SMG6: variants seen among roughly 807,000 people sequenced by gnomAD.
SMG6 encodes the protein SMG6 nonsense mediated mRNA decay factor.
A neutral mutation model predicts 142.2 loss-of-function variants in SMG6; 66 were observed. The ratio of observed to expected loss-of-function variants is 0.46; its 90% CI spans 0.38 to 0.57. The LOEUF is 0.57. Ranked by LOEUF, SMG6 falls within the 20% of genes least tolerant of loss-of-function variation. The pLI, the probability that SMG6 is intolerant of heterozygous loss-of-function variation, is 0.00. For missense variants in SMG6, 1,793 were observed against 1,832.0 expected (o/e 0.98, Z 0.39); for synonymous variants, 779 against 702.4 (o/e 1.11, Z -1.72).
At position 2,299,118 on chromosome 17, in the gene SMG6, TG is replaced by T; in HGVS notation, c.1634del (p.Pro545GlnfsTer20). 6.2e-7 allele frequency: 1 copy of T among 1,613,954 alleles called. No individual in the cohort carries two copies. ...ACTGTCCTGACGGAGTCGGGTAGCC[TG>T]GGTAGTAAGGCCCTGGGTACACACC... ...TNGVYPGPYYPGYPTPSGQYV... is the reference protein window; with the variant it reads ...TNGVYPGPYYXGYPTPSGQYV... On this transcript the variant is annotated frameshift_variant, in exon 2 of 19. Transcript: ENST00000263073. LOFTEE classifies it high-confidence loss of function. This position sits in a 1 kb window ranked among gnomAD's most constrained non-coding sequence, Gnocchi z 4.3.
chr17:2,211,490 C>T (rs1352585101), intron 10 of SMG6, among the ~76,000 whole-genome samples: 3 of 151,980 alleles, frequency 2.0e-5, no homozygotes, highest in Non-Finnish European at 1.5e-5. Flanking sequence ...CGGTGAAACC[C>T]CGTCTCTACT....
rs1353188692 is a variant in SMG6 at position 2,156,680 on chromosome 17, G to T, written c.3357+15978C>A. 2.6e-5 allele frequency among the ~76,000 whole-genome samples: 4 copies of T among 151,942 alleles called. No individual in the cohort carries two copies. In the East Asian group the frequency reaches 7.7e-4, roughly 29 times the overall value. On this transcript the variant is annotated intron_variant, in intron 13 of 18. Transcript: ENST00000263073. ...TTTGCTTGTTTGTTTTTTGAGACAGGGTCTTGCTGTGTAACCCAGGCTACA... is the reference window on the plus strand; with the variant it reads ...TTTGCTTGTTTGTTTTTTGAGACAGTGTCTTGCTGTGTAACCCAGGCTACA...
intron 4 of SMG6, among the ~76,000 whole-genome samples, chr17:2,296,611 G>C (rs2075147906): frequency 6.6e-6 from 1 of 152,172 alleles, no homozygotes; most frequent in African/African-American, 2.4e-5. Flanking sequence ...GAGGGACCTA[G>C]GCTATGCACT....
At chr17:2,155,624 CA>C (rs1390597571) in intron 13 of SMG6, among the ~76,000 whole-genome samples, 1 of 152,138 alleles carries the variant, frequency 6.6e-6, no homozygotes, top group Non-Finnish European at 1.5e-5. Flanking sequence ...GAACACATCC[CA>C]CTCCTACCAT....
chr17:2,281,331 G>C (rs2074780638), intron 8 of SMG6, among the ~76,000 whole-genome samples: 1 of 152,072 alleles, frequency 6.6e-6, no homozygotes, highest in Non-Finnish European at 1.5e-5. Flanking sequence ...GCCTCGTTTT[G>C]TTGACCAGGC....
intron 10 of SMG6, among the ~76,000 whole-genome samples, chr17:2,189,062 A>G (rs976175303): frequency 2.6e-5 from 4 of 152,192 alleles, no homozygotes; most frequent in African/African-American, 7.2e-5. Flanking sequence ...GAAAACACAC[A>G]TGACACAAAT....
intron 13 of SMG6, among the ~76,000 whole-genome samples, chr17:2,115,190 T>C (rs1233483093): frequency 6.6e-6 from 1 of 151,992 alleles, no homozygotes; most frequent in African/African-American, 2.4e-5. Context: ...AGAAACCTAG[T>C]CTACTCTAGC....
intron 10 of SMG6, among the ~76,000 whole-genome samples, chr17:2,208,638 A>AC (rs1333356711): frequency 6.6e-6 from 1 of 152,266 alleles, no homozygotes; most frequent in African/African-American, 2.4e-5. Flanking sequence ...CTGGGCACTT[A>AC]GTTTTTGAAG....
intron 8 of SMG6, among the ~76,000 whole-genome samples, chr17:2,247,313 A>C (rs962882333): frequency 1.3e-5 from 2 of 152,220 alleles, no homozygotes; most frequent in Admixed American, 6.5e-5. Flanking sequence ...CACAGATAGG[A>C]TGTTATTTCA....
At chr17:2,209,053 T>C (rs1432596134) in intron 10 of SMG6, among the ~76,000 whole-genome samples, 2 of 152,000 alleles carry the variant, frequency 1.3e-5, no homozygotes, top group Admixed American at 1.3e-4. Flanking sequence ...TGGTCCCAGA[T>C]ACTGGGGAGG....
chr17:2,158,178 C>T (rs1317213353), intron 13 of SMG6, among the ~76,000 whole-genome samples: 1 of 152,216 alleles, frequency 6.6e-6, no homozygotes. Flanking sequence ...GACACCCCCA[C>T]GGAACATGTA....
chr17:2,262,041 A>T (rs1029361134), intron 8 of SMG6, among the ~76,000 whole-genome samples: 1 of 152,256 alleles, frequency 6.6e-6, no homozygotes, highest in African/African-American at 2.4e-5. Context: ...CAAAATCTCA[A>T]TAGCAAGAAT....
In SMG6 at chr17:2,184,960, C is replaced by CAAAAAAAAAAAAAAA. The variant is rs58230459; in HGVS notation, c.3155+1688_3155+1702dup. 1.3e-4 allele frequency among the ~76,000 whole-genome samples: 3 copies of CAAAAAAAAAAAAAAA among 22,476 alleles called. 1 individual carries two copies. The highest frequency in any genetic ancestry group is 7.8e-4 in the Admixed American group (1 of 1,280). The allele number at this position is 22,476 out of a possible 152,430, so 14.7% of individuals were successfully genotyped here. A position where few individuals can be genotyped will look rare whatever the true frequency, so the allele number is the denominator to read the frequency against. On this transcript the variant is annotated intron_variant, in intron 12 of 18. Transcript: ENST00000263073. ...TGGGAGACAGAGCGGGACTCCATCT[C>CAAAAAAAAAAAAAAA]AAAAAAAAAAAAAAAAAAAAAAAAA...
At chr17:2,107,511 C>T (rs1234674978) in intron 13 of SMG6, among the ~76,000 whole-genome samples, 3 of 152,178 alleles carry the variant, frequency 2.0e-5, no homozygotes, top group African/African-American at 7.2e-5. Flanking sequence ...CATTCTACCA[C>T]CCAACCTGCC....
intron 8 of SMG6, among the ~76,000 whole-genome samples, chr17:2,253,172 C>T (rs940672958): frequency 4.9e-5 from 7 of 143,536 alleles, no homozygotes; most frequent in Non-Finnish European, 7.7e-5. Flanking sequence ...GATGGAGTCT[C>T]GCTCTGTCAC....
intron 15 of SMG6, among the ~76,000 whole-genome samples, chr17:2,073,780 C>T (rs1355303513): frequency 1.3e-5 from 2 of 149,558 alleles, no homozygotes; most frequent in Non-Finnish European, 3.0e-5. Context: ...CCCATCTCTA[C>T]TAAAAATATA....
At chr17:2,289,941 C>CATATATATATATATATATAT (rs3055883) in intron 6 of SMG6, among the ~76,000 whole-genome samples, 2 of 141,582 alleles carry the variant, frequency 1.4e-5, no homozygotes, top group African/African-American at 2.6e-5. Context: ...TTATTTTATA[C>CATATATATATATATATATAT]ATATATATAT....
At chr17:2,132,403 A>AGG (rs2070152045) in intron 13 of SMG6, among the ~76,000 whole-genome samples, 1 of 152,230 alleles carries the variant, frequency 6.6e-6, no homozygotes, top group Admixed American at 6.5e-5. Flanking sequence ...AGAGAAGCCC[A>AGG]GTCTACATGT....
At chr17:2,159,589 G>A (rs1012915792) in intron 13 of SMG6, among the ~76,000 whole-genome samples, 6 of 152,236 alleles carry the variant, frequency 3.9e-5, no homozygotes, top group Non-Finnish European at 8.8e-5. Context: ...GTATAAAAGG[G>A]TGTAATCACT....
Sources: gnomAD v4.1 joint callset for allele counts (sites outside exome capture counted in the v4.1 genomes callset) on GRCh38, gnomAD v4.1.1 for gene constraint, Gnocchi (gnomAD v3.1) non-coding constraint, MANE v1.5 for transcripts, NCBI Gene and HGNC (gene_info 2026-07-23, HGNC 2026-07-21) for gene names.